The following CACNB2 variants were observed in gnomAD, a reference collection of about 807,000 sequenced individuals.
The protein encoded by CACNB2 is calcium voltage-gated channel auxiliary subunit beta 2, also known as voltage-dependent L-type calcium channel subunit beta-2.
Under a neutral mutation model 73.3 loss-of-function variants are expected in CACNB2, and 42 were observed. That is an observed-to-expected ratio of 0.57 (90% CI 0.45 to 0.74). CACNB2 has a LOEUF of 0.74. CACNB2 is among the 30% of genes least tolerant of loss of function. The pLI is 0.00. For synonymous variants in CACNB2, 348 were observed against 310.3 expected, an observed-to-expected ratio of 1.12 and a Z score of -1.28; for missense variants, 940 against 853.0, an observed-to-expected ratio of 1.10 and a Z score of -1.27.
At position 18,295,075 on chromosome 10, in the gene CACNB2, G is replaced by A. The variant is rs1564412288; in HGVS notation, c.214-106849G>A. Among the ~76,000 whole-genome samples the A allele has an allele frequency of 2.6e-5, 4 of 152,110 alleles. No individual in the cohort carries two copies. The South Asian group carries it at 8.3e-4, about 32-fold the overall frequency. On this transcript the variant is annotated intron_variant, in intron 2 of 13. Coordinates refer to ENST00000324631, the MANE Select transcript of CACNB2 (RefSeq NM_201596.3). ...TTTTTATTTTTTTACCGATATTGAG[G>A]CAGTTTTACAAATGAGTATTATGGT...
chr10:18,226,534 A>T (rs2035999247), intron 2 of CACNB2, among the ~76,000 whole-genome samples: 1 of 152,198 alleles, frequency 6.6e-6, no homozygotes, highest in South Asian at 2.1e-4. Flanking sequence ...CTACACAGCC[A>T]GTAAGAGGCA....
At chr10:18,483,116 T>C (rs1278077540) in intron 3 of CACNB2, among the ~76,000 whole-genome samples, 2 of 151,990 alleles carry the variant, frequency 1.3e-5, no homozygotes, top group African/African-American at 4.8e-5. Context: ...GAGTGAGTGA[T>C]CACATGGGGT....
intron 2 of CACNB2, among the ~76,000 whole-genome samples, chr10:18,304,477 A>C (rs16917162): frequency 0.13 from 19,727 of 152,198 alleles, 1,305 homozygotes; most frequent in South Asian, 0.2. Context: ...TGTTTCCCCA[A>C]ATTTCCAGGT....
At chr10:18,488,623 T>A (rs1172837207) in intron 3 of CACNB2, among the ~76,000 whole-genome samples, 2 of 152,080 alleles carry the variant, frequency 1.3e-5, no homozygotes, top group Non-Finnish European at 2.9e-5. Context: ...TGTGAAGGTG[T>A]TCATTTAGTG....
intron 3 of CACNB2, among the ~76,000 whole-genome samples, chr10:18,462,047 A>G (rs548028726): frequency 6.6e-6 from 1 of 152,210 alleles, no homozygotes; most frequent in Non-Finnish European, 1.5e-5. Flanking sequence ...GTTCTAGAGA[A>G]TCGGTACTGT....
intron 3 of CACNB2, among the ~76,000 whole-genome samples, chr10:18,465,443 A>C (rs1473705124): frequency 6.6e-6 from 1 of 152,160 alleles, no homozygotes; most frequent in Non-Finnish European, 1.5e-5. Context: ...ACCTGGGAAA[A>C]AATGTACAGA....
At chr10:18,347,313 GA>G (rs1319766916) in intron 2 of CACNB2, among the ~76,000 whole-genome samples, 1 of 149,918 alleles carries the variant, frequency 6.7e-6, no homozygotes, top group Non-Finnish European at 1.5e-5. Context: ...GAGTAGCTGG[GA>G]CTACAGGCGC....
At chr10:18,413,211 A>G (rs1386322254) in intron 3 of CACNB2, among the ~76,000 whole-genome samples, 1 of 152,154 alleles carries the variant, frequency 6.6e-6, no homozygotes, top group Non-Finnish European at 1.5e-5. Context: ...ACCTCAGGTG[A>G]TCCACCCACC....
chr10:18,169,706 T>C (rs953500058), intron 2 of CACNB2, among the ~76,000 whole-genome samples: 2 of 152,204 alleles, frequency 1.3e-5, no homozygotes, highest in African/African-American at 4.8e-5. Context: ...GTCTTCTTGC[T>C]TGTCACTTGT....
At chr10:18,174,463 A>G (rs1420050960) in intron 2 of CACNB2, among the ~76,000 whole-genome samples, 1 of 147,748 alleles carries the variant, frequency 6.8e-6, no homozygotes, top group Non-Finnish European at 1.5e-5. Flanking sequence ...GAGTGCAATG[A>G]CACAATCTTG....
intron 9 of CACNB2, among the ~76,000 whole-genome samples, chr10:18,524,149 A>G (rs867051099): frequency 6.6e-6 from 1 of 152,196 alleles, no homozygotes; most frequent in Non-Finnish European, 1.5e-5. Flanking sequence ...GGATGGTGAC[A>G]GGTAAATTAA....
intron 3 of CACNB2, among the ~76,000 whole-genome samples, chr10:18,440,205 C>A (rs939783380): frequency 2.0e-5 from 3 of 152,094 alleles, no homozygotes; most frequent in African/African-American, 7.2e-5. Flanking sequence ...AAGGCATAAT[C>A]TTATTCATGG....
At chr10:18,399,504 G>C (rs2043881976) in intron 2 of CACNB2, among the ~76,000 whole-genome samples, 1 of 152,016 alleles carries the variant, frequency 6.6e-6, no homozygotes, top group Non-Finnish European at 1.5e-5. Context: ...GATTATATTA[G>C]TGCAGAGTGC....
rs188663798 is a variant in CACNB2 at position 18,307,229 on chromosome 10, C to T, written c.214-94695C>T. 1.5e-3 allele frequency among the ~76,000 whole-genome samples: 231 copies of T among 152,260 alleles called. 2 individuals are homozygous for T. The highest frequency in any genetic ancestry group is 5.0e-3 in the African/African-American group (209 of 41,548). On this transcript the variant is annotated intron_variant, in intron 2 of 13. Transcript: ENST00000324631. Reference sequence around the variant, plus strand: ...TTGTAATTCCAGCACTTTGGGAGGCCATGGCGGGCAGATCACGAGGCCTGA... The same window carrying T: ...TTGTAATTCCAGCACTTTGGGAGGCTATGGCGGGCAGATCACGAGGCCTGA...
chr10:18,474,387 C>T (rs1316971364), intron 3 of CACNB2, among the ~76,000 whole-genome samples: 4 of 152,220 alleles, frequency 2.6e-5, no homozygotes, highest in South Asian at 2.1e-4. Flanking sequence ...CTTATTTTGC[C>T]GACGTTAAGG....
At chr10:18,454,247 A>G (rs2047157491) in intron 3 of CACNB2, among the ~76,000 whole-genome samples, 1 of 152,238 alleles carries the variant, frequency 6.6e-6, no homozygotes, top group African/African-American at 2.4e-5. Context: ...TCCAACAGAA[A>G]ATGATATCTA....
chr10:18,259,699 C>A (rs1287490860), intron 2 of CACNB2, among the ~76,000 whole-genome samples: 1 of 148,134 alleles, frequency 6.8e-6, no homozygotes, highest in Non-Finnish European at 1.5e-5. Context: ...CCACTGCACT[C>A]CAGTCTGGGT....
At chr10:18,185,798 T>C (rs1779228) in intron 2 of CACNB2, among the ~76,000 whole-genome samples, 120,982 of 151,986 alleles carry the variant, frequency 0.8, 48,217 homozygotes, top group African/African-American at 0.86. Flanking sequence ...GTGCCTACCA[T>C]GTGCCAGAAA....
At chr10:18,141,125 G>C in intron 1 of CACNB2, 1 of 1,549,846 alleles carries the variant, frequency 6.5e-7, no homozygotes, top group South Asian at 1.2e-5. Flanking sequence ...GACTTCTCCC[G>C]GGTTGCTCCA....
Sources: allele counts gnomAD v4.1 joint callset (sites outside exome capture counted in the v4.1 genomes callset), GRCh38; gene constraint gnomAD v4.1.1; transcripts MANE v1.5; gene names NCBI Gene and HGNC (gene_info 2026-07-23, HGNC 2026-07-21).